Variants in PIK3R1 observed in about 807,000 individuals in gnomAD.
The protein encoded by PIK3R1 is phosphoinositide-3-kinase regulatory subunit 1, also known as phosphatidylinositol 3-kinase regulatory subunit alpha.
In PIK3R1, 29 loss-of-function variants were observed where a neutral mutation model predicts 98.0. The ratio of observed to expected loss-of-function variants is 0.30; its 90% CI spans 0.22 to 0.40. The LOEUF (loss-of-function observed/expected upper bound fraction) is 0.40. Ranked by LOEUF, PIK3R1 falls within the 10% of genes least tolerant of loss-of-function variation. The probability of loss-of-function intolerance (pLI) is 1.00; values close to 1 mark genes in which losing one functional copy is unlikely to be tolerated. For missense variants in PIK3R1, 596 were observed against 872.7 expected, an observed-to-expected ratio of 0.68 and a Z score of 3.99; for synonymous variants, 282 against 311.8, an observed-to-expected ratio of 0.90 and a Z score of 1.01.
chr5:68,243,847 T>C (rs1398130808), intron 2 of PIK3R1, among the ~76,000 whole-genome samples: 1 of 152,232 alleles, frequency 6.6e-6, no homozygotes, highest in East Asian at 1.9e-4. Context: ...AATTGGACTA[T>C]GTAAAATGGC....
intron 2 of PIK3R1, among the ~76,000 whole-genome samples, chr5:68,228,050 T>C (rs1744347203): frequency 6.6e-6 from 1 of 152,206 alleles, no homozygotes; most frequent in South Asian, 2.1e-4. Context: ...GCATTTTTCT[T>C]TTTTCTCTTG....
At chr5:68,277,846 G>C (rs1746644420) in intron 4 of PIK3R1, among the ~76,000 whole-genome samples, 2 of 152,160 alleles carry the variant, frequency 1.3e-5, no homozygotes, top group South Asian at 4.1e-4. Flanking sequence ...AAATCTGGTA[G>C]TTTTACTTCT....
chr5:68,242,530 G>C (rs1744909170), intron 2 of PIK3R1, among the ~76,000 whole-genome samples: 2 of 152,178 alleles, frequency 1.3e-5, no homozygotes, highest in African/African-American at 4.8e-5. Flanking sequence ...GAACTCAAAT[G>C]CTTTCCCAGG....
chr5:68,290,557 T>G, intron 7 of PIK3R1: 1 of 846,210 alleles, frequency 1.2e-6, no homozygotes, highest in Non-Finnish European at 1.7e-6. Context: ...AGAGAACTGA[T>G]GAAGCAGGAG....
chr5:68,260,856 T>TA (rs1745715175), intron 2 of PIK3R1, among the ~76,000 whole-genome samples: 1 of 152,232 alleles, frequency 6.6e-6, no homozygotes, highest in Admixed American at 6.5e-5. Flanking sequence ...AACATGGAAT[T>TA]AGTTGTCTTT....
intron 2 of PIK3R1, among the ~76,000 whole-genome samples, chr5:68,261,691 A>C (rs763352178): frequency 1.3e-5 from 2 of 152,200 alleles, no homozygotes; most frequent in Non-Finnish European, 2.9e-5. Context: ...CTTAACTTCT[A>C]GCCCTTTTAA....
Position 68,293,209 on chromosome 5 carries a change from G to T in PIK3R1, c.1118+10G>T, listed in dbSNP as rs371094465. The T allele has an allele frequency of 1.2e-6, 2 of 1,608,048 alleles. No homozygotes were observed. The highest frequency in any genetic ancestry group is 1.3e-5 in the African/African-American group (1 of 74,726). ...ATACTCTTACACTAAGGTAAGCCAGGGAATATAGCTGAAATTAGGGTTTTG... is the reference window on the plus strand; with the variant it reads ...ATACTCTTACACTAAGGTAAGCCAGTGAATATAGCTGAAATTAGGGTTTTG... On this transcript the variant is annotated intron_variant, in intron 9 of 15. Coordinates refer to ENST00000521381, the MANE Select transcript of PIK3R1 (RefSeq NM_181523.3).
In PIK3R1 at chr5:68,298,644, G is replaced by A. The variant is rs1000616165; in HGVS notation, c.*1043G>A. The A allele has an allele frequency of 3.0e-5, 7 of 232,844 alleles. No homozygotes were observed. Among genetic ancestry groups the A allele is most frequent in the Non-Finnish European group, 5.9e-5 (7 of 117,848 alleles). The allele number at this position is 232,844 out of a possible 1,614,324, so 14.4% of individuals were successfully genotyped here. ...TTTTTCTTGTACAGAGTACTTGGCT[G>A]TTAGCCCAAGGTTAAAAAGTTCATA... On this transcript the variant is annotated 3_prime_UTR_variant, in exon 16 of 16. Coordinates refer to ENST00000521381, the MANE Select transcript of PIK3R1 (RefSeq NM_181523.3).
intron 2 of PIK3R1, among the ~76,000 whole-genome samples, chr5:68,228,516 C>T (rs1053550993): frequency 6.6e-6 from 1 of 152,102 alleles, no homozygotes; most frequent in African/African-American, 2.4e-5. Flanking sequence ...CATGACTCTC[C>T]GCACATACAT....
chr5:68,247,275 G>A (rs1745135794), intron 2 of PIK3R1, among the ~76,000 whole-genome samples: 1 of 152,194 alleles, frequency 6.6e-6, no homozygotes, highest in Non-Finnish European at 1.5e-5. Context: ...TAGATCAGTG[G>A]ATTTTAATTG....
chr5:68,226,615 G>GT lies in PIK3R1; in HGVS notation c.-60dup, dbSNP rs1561257844. 7.4e-7 allele frequency: 1 copy of GT among 1,355,234 alleles called. No homozygotes were observed. Among genetic ancestry groups the GT allele is most frequent in the African/African-American group, 1.5e-5 (1 of 68,562 alleles). The allele number at this position is 1,355,234 out of a possible 1,614,324, so 84.0% of individuals were successfully genotyped here. A position where few individuals can be genotyped will look rare whatever the true frequency, so the allele number is the denominator to read the frequency against. On this transcript the variant is annotated 5_prime_UTR_variant, in exon 2 of 16. The change abolishes the stop of an existing upstream ORF in the 5' untranslated region. Transcript: ENST00000521381. The stretch of plus-strand genomic sequence containing the variant: ...CTCTGAATTCACTTTTCATAAAAAC[G>GT]TAAAATCAGACTGCTCTGTACAACC...
At chr5:68,281,438 C>T (rs1337320176) in intron 7 of PIK3R1, among the ~76,000 whole-genome samples, 1 of 152,158 alleles carries the variant, frequency 6.6e-6, no homozygotes, top group Non-Finnish European at 1.5e-5. Context: ...TCAAAATAAA[C>T]ATTTTCAATA....
chr5:68,258,863 C>T (rs916946388), intron 2 of PIK3R1, among the ~76,000 whole-genome samples: 1 of 152,168 alleles, frequency 6.6e-6, no homozygotes, highest in African/African-American at 2.4e-5. Context: ...ACTATCAGTG[C>T]CCCCAGCTCA....
chr5:68,253,927 T>C (rs918969922), intron 2 of PIK3R1, among the ~76,000 whole-genome samples: 10 of 151,522 alleles, frequency 6.6e-5, no homozygotes, highest in Admixed American at 3.3e-4. Flanking sequence ...CCCATGTATA[T>C]CCACTCCAAG....
At chr5:68,247,344 T>TCTTTCTGC (rs1302024470) in intron 2 of PIK3R1, among the ~76,000 whole-genome samples, 2 of 152,190 alleles carry the variant, frequency 1.3e-5, no homozygotes, top group African/African-American at 2.4e-5. Flanking sequence ...TTTCTTTCTG[T>TCTTTCTGC]CTTTCTGCCT....
chr5:68,229,674 G>A (rs1280197534), intron 2 of PIK3R1, among the ~76,000 whole-genome samples: 1 of 152,096 alleles, frequency 6.6e-6, no homozygotes, highest in East Asian at 1.9e-4. Context: ...TGCCCTCTCT[G>A]TTTTTAAAAG....
chr5:68,234,263 A>G (rs1480507604), intron 2 of PIK3R1, among the ~76,000 whole-genome samples: 4 of 152,196 alleles, frequency 2.6e-5, no homozygotes, highest in Non-Finnish European at 4.4e-5. Context: ...CTTCCCAATC[A>G]GAAGAACTGT....
chr5:68,297,418 C>CG lies in PIK3R1; in HGVS notation c.1994dup (p.Glu666ArgfsTer21). On this transcript the variant is annotated frameshift_variant, in exon 16 of 16. Coordinates refer to ENST00000521381, the MANE Select transcript of PIK3R1 (RefSeq NM_181523.3). LOFTEE classifies it high-confidence loss of function. ...TTTCTTCTCTCCTCTCTAGGGTGGA[C>CG]GGCGAAGTAAAGCATTGTGTCATAA... 6.2e-7 allele frequency: 1 copy of CG among 1,612,310 alleles called. No homozygotes were observed. The highest frequency in any genetic ancestry group is 8.5e-7 in the Non-Finnish European group (1 of 1,178,946).
At chr5:68,243,534 A>G (rs1405233722) in intron 2 of PIK3R1, among the ~76,000 whole-genome samples, 1 of 152,232 alleles carries the variant, frequency 6.6e-6, no homozygotes, top group African/African-American at 2.4e-5. Flanking sequence ...TGTTCTACCA[A>G]ATTTGTGCTA....
Sources: allele counts gnomAD v4.1 joint callset (sites outside exome capture counted in the v4.1 genomes callset), GRCh38; gene constraint gnomAD v4.1.1; transcripts MANE v1.5; gene names NCBI Gene and HGNC (gene_info 2026-07-23, HGNC 2026-07-21).